Variants in MTNAP1 observed in about 807,000 individuals in gnomAD.
The protein encoded by MTNAP1 is mitochondrial nucleoid-associated protein 1.
At chr17:73,243,884 T>C in the MTNAP1 span, among the ~76,000 whole-genome samples, 1 of 152,196 alleles carries the variant, frequency 6.6e-6, no homozygotes, top group African/African-American at 2.4e-5. Context: ...TAAGAACTGT[T>C]ACCCTGCTCC....
At chr17:73,242,278 G>A in the MTNAP1 span, 1 of 1,605,322 alleles carries the variant, frequency 6.2e-7, no homozygotes, top group Non-Finnish European at 8.5e-7. Context: ...CTCATATAAG[G>A]AGTTTGGAAC....
At chr17:73,244,032 A>G in the MTNAP1 span, among the ~76,000 whole-genome samples, 35 of 152,222 alleles carry the variant, frequency 2.3e-4, no homozygotes, top group African/African-American at 7.0e-4. Flanking sequence ...TTGCTATCTC[A>G]GTTAATCTAC....
chr17:73,235,486 A>T, the MTNAP1 span: 4 of 1,604,412 alleles, frequency 2.5e-6, no homozygotes, highest in Non-Finnish European at 3.4e-6. Context: ...GAATAGGATG[A>T]GTGATAATCC....
At chr17:73,245,198 C>G in the MTNAP1 span, 8 of 1,613,402 alleles carry the variant, frequency 5.0e-6, no homozygotes, top group African/African-American at 8.0e-5. Flanking sequence ...TAGTGTTGAC[C>G]TGGACATCAC....
the MTNAP1 span, chr17:73,245,516 AAGTCAC>A: frequency 1.0e-6 from 1 of 985,300 alleles, no homozygotes; most frequent in African/African-American, 1.7e-5. Flanking sequence ...TAAAATTAAG[AAGTCAC>A]TTCTCAGTAA....
chr17:73,235,430 T>C, the MTNAP1 span: 50 of 1,436,724 alleles, frequency 3.5e-5, no homozygotes, highest in Admixed American at 1.5e-4. Context: ...AATATTGGTA[T>C]GTACAAACTA....
At chr17:73,242,453 A>G in the MTNAP1 span, 721 of 718,756 alleles carry the variant, frequency 1.0e-3, 7 homozygotes, top group African/African-American at 0.012. Flanking sequence ...GAGGAAAAAA[A>G]TGTTAAAATG....
chr17:73,236,461 G>A, the MTNAP1 span: 1 of 1,614,214 alleles, frequency 6.2e-7, no homozygotes. Flanking sequence ...GGAACGGACT[G>A]TCATGAGCCA....
chr17:73,243,548 CT>C, the MTNAP1 span, among the ~76,000 whole-genome samples: 3,329 of 134,988 alleles, frequency 0.025, 119 homozygotes, highest in African/African-American at 0.081. Context: ...TTCATGTTGT[CT>C]TTTTTTTTTT....
the MTNAP1 span, among the ~76,000 whole-genome samples, chr17:73,243,548 CTTT>C: frequency 4.4e-5 from 6 of 135,046 alleles, no homozygotes; most frequent in East Asian, 2.2e-4. Context: ...TTCATGTTGT[CTTT>C]TTTTTTTTTT....
chr17:73,236,259 A>C, the MTNAP1 span: 1 of 1,614,208 alleles, frequency 6.2e-7, no homozygotes, highest in African/African-American at 1.3e-5. Flanking sequence ...ATCACCTCTC[A>C]GGAGTCCCTA....
the MTNAP1 span, chr17:73,236,821 C>T: frequency 6.2e-7 from 1 of 1,614,126 alleles, no homozygotes; most frequent in South Asian, 1.1e-5. Flanking sequence ...CTTCACCAAT[C>T]ATGCTGCAGC....
At chr17:73,241,750 C>T in the MTNAP1 span, among the ~76,000 whole-genome samples, 2 of 152,040 alleles carry the variant, frequency 1.3e-5, no homozygotes, top group Admixed American at 6.6e-5. Context: ...GCCAAAGTGG[C>T]GAAACCCCGT....
chr17:73,238,772 A>G, the MTNAP1 span, among the ~76,000 whole-genome samples: 55 of 152,298 alleles, frequency 3.6e-4, 1 homozygote, highest in South Asian at 0.011. Context: ...AGAGAGCATA[A>G]GTGATTTGTC....
At chr17:73,247,538 G>T in the MTNAP1 span, 1 of 533,888 alleles carries the variant, frequency 1.9e-6, no homozygotes. Flanking sequence ...TCAGGGTGCT[G>T]AAACATAATG....
chr17:73,235,051 G>A, the MTNAP1 span, among the ~76,000 whole-genome samples: 48 of 151,906 alleles, frequency 3.2e-4, 1 homozygote, highest in Admixed American at 1.7e-3. Context: ...GTGAAACCCC[G>A]TCTTTACTAA....
the MTNAP1 span, chr17:73,237,099 T>C: frequency 8.5e-7 from 1 of 1,176,714 alleles, no homozygotes; most frequent in Non-Finnish European, 1.2e-6. Context: ...TCATTTAGTT[T>C]ATTTTCACCT....
chr17:73,239,893 C>T, the MTNAP1 span, among the ~76,000 whole-genome samples: 5 of 152,176 alleles, frequency 3.3e-5, no homozygotes, highest in African/African-American at 1.2e-4. Flanking sequence ...AACCCAGGTT[C>T]GTCTGACTCT....
At chr17:73,240,653 T>A in the MTNAP1 span, among the ~76,000 whole-genome samples, 1 of 152,254 alleles carries the variant, frequency 6.6e-6, no homozygotes, top group Admixed American at 6.5e-5. Context: ...TCATTTGCCC[T>A]TCTCAGGAAG....
Sources: gnomAD v4.1 joint callset for allele counts (sites outside exome capture counted in the v4.1 genomes callset) on GRCh38, gnomAD v4.1.1 for gene constraint, MANE v1.5 for transcripts, NCBI Gene and HGNC (gene_info 2026-07-23, HGNC 2026-07-21) for gene names.